The following RNF150 variants were observed in gnomAD, a reference collection of about 807,000 sequenced individuals.
RNF150 encodes ring finger protein 150.
RNF150 carries 24 observed loss-of-function variants against 39.3 expected under a neutral mutation model. That is an observed-to-expected ratio of 0.61 (90% CI 0.44 to 0.86). The LOEUF (loss-of-function observed/expected upper bound fraction) is 0.86, where lower values mean the gene tolerates loss of function less well. Ranked by LOEUF, RNF150 falls within the 40% of genes least tolerant of loss-of-function variation. The pLI, the probability that RNF150 is intolerant of heterozygous loss-of-function variation, is 0.00. For synonymous variants in RNF150, 255 were observed against 227.3 expected, an observed-to-expected ratio of 1.12 and a Z score of -1.10; for missense variants, 502 against 587.8, an observed-to-expected ratio of 0.85 and a Z score of 1.51.
chr4:141,081,462 T>C (rs1738144587), intron 1 of RNF150, among the ~76,000 whole-genome samples: 1 of 152,220 alleles, frequency 6.6e-6, no homozygotes, highest in African/African-American at 2.4e-5. Flanking sequence ...AAAACAGCAC[T>C]GCAAACCAAA....
At chr4:141,126,070 TA>T (rs1434841600) in intron 1 of RNF150, among the ~76,000 whole-genome samples, 1 of 146,728 alleles carries the variant, frequency 6.8e-6, no homozygotes, top group Non-Finnish European at 1.5e-5. Flanking sequence ...GGTGAAGAGT[TA>T]CAGTTTAGTG....
intron 4 of RNF150, among the ~76,000 whole-genome samples, chr4:140,945,436 T>C (rs4956492): frequency 3.4e-4 from 51 of 151,702 alleles, no homozygotes; most frequent in Middle Eastern, 3.5e-3. Flanking sequence ...AATAAGGACA[T>C]GGAAAATTAA....
intron 1 of RNF150, among the ~76,000 whole-genome samples, chr4:140,985,195 C>T (rs986913473): frequency 4.6e-5 from 7 of 152,114 alleles, no homozygotes; most frequent in South Asian, 2.1e-4. Flanking sequence ...AAGAAAACAG[C>T]GAATGCAAAA....
chr4:141,039,190 G>T (rs1043490174), intron 1 of RNF150, among the ~76,000 whole-genome samples: 1 of 152,170 alleles, frequency 6.6e-6, no homozygotes, highest in Non-Finnish European at 1.5e-5. Context: ...AAGAATTTAC[G>T]AGCCTCTTTC....
chr4:140,966,407 G>GATAAAATAA (rs1733244954), intron 2 of RNF150, among the ~76,000 whole-genome samples: 1 of 151,986 alleles, frequency 6.6e-6, no homozygotes, highest in South Asian at 2.1e-4. Flanking sequence ...CAAGACCATG[G>GATAAAATAA]ATAAAATAAA....
rs1483809524 is a variant in RNF150 at position 140,992,845 on chromosome 4, A to T, written c.485-24972T>A. Among the ~76,000 whole-genome samples, 4 of 152,142 alleles carry T rather than the reference A, an allele frequency of 2.6e-5. No homozygotes were observed. In the East Asian group the frequency reaches 7.8e-4, roughly 30 times the overall value. ...AGAGTTGGGATTTGGCGGCATGTCA[A>T]GGGCTGGTGCAGAAGAGGGCAACTG... On this transcript the variant is annotated intron_variant, in intron 1 of 6. Coordinates refer to ENST00000515673, the MANE Select transcript of RNF150 (RefSeq NM_020724.2).
At chr4:140,883,065 T>G (rs1729434821) in intron 6 of RNF150, among the ~76,000 whole-genome samples, 1 of 152,188 alleles carries the variant, frequency 6.6e-6, no homozygotes, top group East Asian at 1.9e-4. Context: ...TGTACTTTTT[T>G]GAGTATTTTC....
chr4:141,132,363 C>A lies in RNF150; in HGVS notation c.446G>T (p.Gly149Val), dbSNP rs531253183. ...GGTGATGGTCTCGTTGGTGTTGGAG[C>A]CCACGTTGAAGATGACCACGGCTGA... ...NASAVVIFNV[G>V]SNTNETITMP... Residue 149 changes from glycine to valine, a missense_variant, in exon 1 of 7, where the codon GGC becomes GTC. Physicochemically the swap from Gly to Val is moderately radical, Grantham distance 109. Coordinates refer to ENST00000515673, the MANE Select transcript of RNF150 (RefSeq NM_020724.2). This position sits in a 1 kb window ranked among gnomAD's most constrained non-coding sequence, Gnocchi z 4.9. 3 of 1,595,050 alleles carry A rather than the reference C, an allele frequency of 1.9e-6. No homozygotes were observed. Among genetic ancestry groups the A allele is most frequent in the East Asian group, 2.3e-5 (1 of 44,156 alleles).
intron 1 of RNF150, among the ~76,000 whole-genome samples, chr4:141,076,062 TATACATTAAAAC>T (rs1353359042): frequency 2.6e-5 from 4 of 152,216 alleles, no homozygotes; most frequent in African/African-American, 9.6e-5. Context: ...AGGGACATAA[TATACATTAAAAC>T]ATTACATATC....
upstream of RNF150, among the ~76,000 whole-genome samples, chr4:141,135,297 C>T (rs1239886546): frequency 6.6e-6 from 1 of 152,190 alleles, no homozygotes; most frequent in Admixed American, 6.5e-5. Flanking sequence ...AAGCAAAAGG[C>T]ACATCCAGTG....
At chr4:141,208,291 C>T (rs2111226952) in intron 1 of RNF150, among the ~76,000 whole-genome samples, 1 of 152,288 alleles carries the variant, frequency 6.6e-6, no homozygotes, top group East Asian at 1.9e-4. Flanking sequence ...AAATATGGCC[C>T]CGAGGGGCTA....
chr4:141,192,778 A>G (rs77011920), intron 1 of RNF150, among the ~76,000 whole-genome samples: 4 of 152,234 alleles, frequency 2.6e-5, no homozygotes, highest in African/African-American at 7.2e-5. Flanking sequence ...GCTCTTTTAT[A>G]TCTCTGACCT....
At chr4:141,121,368 C>T (rs1726596576) in intron 1 of RNF150, among the ~76,000 whole-genome samples, 1 of 152,154 alleles carries the variant, frequency 6.6e-6, no homozygotes, top group Non-Finnish European at 1.5e-5. Flanking sequence ...CAACCATGCA[C>T]CAGAATCTTC....
chr4:141,118,162 A>G (rs1726490714), intron 1 of RNF150, among the ~76,000 whole-genome samples: 1 of 152,062 alleles, frequency 6.6e-6, no homozygotes, highest in African/African-American at 2.4e-5. Context: ...GACCCGTTAC[A>G]TGGCCCCAAA....
At chr4:141,167,347 T>C (rs1260636983) in intron 1 of RNF150, among the ~76,000 whole-genome samples, 1 of 152,132 alleles carries the variant, frequency 6.6e-6, no homozygotes, top group East Asian at 1.9e-4. Context: ...GAAGAATCAA[T>C]ATCATGAACA....
intron 6 of RNF150, among the ~76,000 whole-genome samples, chr4:140,897,406 C>T (rs930115894): frequency 2.6e-5 from 4 of 152,146 alleles, no homozygotes; most frequent in Non-Finnish European, 4.4e-5. Flanking sequence ...AATTCTCTGC[C>T]TACCCCTAGA....
intron 5 of RNF150, among the ~76,000 whole-genome samples, chr4:140,916,389 G>T (rs1459665063): frequency 6.6e-6 from 1 of 152,160 alleles, no homozygotes; most frequent in Non-Finnish European, 1.5e-5. Context: ...CAAGAACTAC[G>T]TGACGAATGC....
At chr4:140,875,474 C>T (rs1729119860) in intron 6 of RNF150, among the ~76,000 whole-genome samples, 1 of 152,150 alleles carries the variant, frequency 6.6e-6, no homozygotes, top group African/African-American at 2.4e-5. Flanking sequence ...CCATACCTGG[C>T]CCATAATCTG....
chr4:141,097,268 G>T (rs887787680), intron 1 of RNF150, among the ~76,000 whole-genome samples: 2 of 152,130 alleles, frequency 1.3e-5, no homozygotes, highest in Admixed American at 1.3e-4. Context: ...AAACACCCTA[G>T]GTCCTGACAG....
Sources: allele counts gnomAD v4.1 joint callset (sites outside exome capture counted in the v4.1 genomes callset), GRCh38; gene constraint gnomAD v4.1.1; non-coding constraint Gnocchi (gnomAD v3.1); transcripts MANE v1.5; gene names NCBI Gene and HGNC (gene_info 2026-07-23, HGNC 2026-07-21).